Variants in PCDHGA10 observed in about 807,000 individuals in gnomAD.
PCDHGA10 encodes the protein protocadherin gamma-A10.
In PCDHGA10, 42 loss-of-function variants were observed where a neutral mutation model predicts 59.5. The observed-to-expected ratio is 0.71, with a 90% CI of 0.55 to 0.91. PCDHGA10 has a LOEUF of 0.91. Among genes scored for constraint, PCDHGA10 ranks in the 40% least tolerant of loss-of-function variants. PCDHGA10 has a pLI of 0.00. For missense variants in PCDHGA10, 1,111 were observed against 1,198.2 expected (o/e 0.93, Z 1.07); for synonymous variants, 511 against 517.2 (o/e 0.99, Z 0.16).
At chr5:141,445,294 T>G (rs1012635904) in intron 1 of PCDHGA10, among the ~76,000 whole-genome samples, 2 of 152,238 alleles carry the variant, frequency 1.3e-5, no homozygotes. Flanking sequence ...CAGGCTTCCA[T>G]TCTCTTCAGT....
In PCDHGA10 at chr5:141,489,327, G is replaced by A; in HGVS notation, c.2437-5480G>A. The A allele has an allele frequency of 6.2e-7, 1 of 1,603,940 alleles. No individual in the cohort carries two copies. Among genetic ancestry groups the A allele is most frequent in the South Asian group, 1.1e-5 (1 of 89,400 alleles). ...TGTGCTGCTGGGGCTGGGTGTCTGG[G>A]CAGCTTCGTTACTCAGTGGTGGAGG... is the stretch of plus-strand genomic sequence containing the variant. On this transcript the variant is annotated intron_variant, in intron 1 of 3. Transcript: ENST00000398610. This position sits in a 1 kb window ranked among gnomAD's most constrained non-coding sequence, Gnocchi z 4.5.
Position 141,486,416 on chromosome 5 carries a change from C to G in PCDHGA10, c.2437-8391C>G. The G allele has an allele frequency of 4.3e-6, 7 of 1,614,152 alleles. No homozygotes were observed. The highest frequency in any genetic ancestry group is 5.9e-6 in the Non-Finnish European group (7 of 1,180,016). On this transcript the variant is annotated intron_variant, in intron 1 of 3. Coordinates refer to ENST00000398610, the MANE Select transcript of PCDHGA10 (RefSeq NM_018913.3). The surrounding 1 kb of genome is among the most constrained non-coding windows in gnomAD (Gnocchi z 5.0). Reference sequence around the variant, plus strand: ...CCTGGTGACTGCTGGACCCTTGGATCGAGAGGCCAAATCTAGCTATGACAT... The same window carrying G: ...CCTGGTGACTGCTGGACCCTTGGATGGAGAGGCCAAATCTAGCTATGACAT...
intron 1 of PCDHGA10, chr5:141,478,776 A>G (rs961079570): frequency 1.3e-6 from 2 of 1,488,690 alleles, no homozygotes; most frequent in East Asian, 2.5e-5. Flanking sequence ...TCATCTGTGG[A>G]CCTAATTCAC....
Position 141,489,089 on chromosome 5 carries a change from A to T in PCDHGA10, c.2437-5718A>T, listed in dbSNP as rs1214993065. The T allele has an allele frequency of 7.4e-5, 21 of 284,398 alleles. No homozygotes were observed. Among genetic ancestry groups the T allele is most frequent in the East Asian group, 1.1e-4 (2 of 17,560 alleles). The allele number at this position is 284,398 out of a possible 1,614,324, so 17.6% of individuals were successfully genotyped here. On this transcript the variant is annotated intron_variant, in intron 1 of 3. Coordinates refer to ENST00000398610, the MANE Select transcript of PCDHGA10 (RefSeq NM_018913.3). This position sits in a 1 kb window ranked among gnomAD's most constrained non-coding sequence, Gnocchi z 4.5. ...CCCTGCCCACCCCCGCCACTCGGTGACTAAGAACTGCTGCAAGCAGGCAAA... is the reference window on the plus strand; with the variant it reads ...CCCTGCCCACCCCCGCCACTCGGTGTCTAAGAACTGCTGCAAGCAGGCAAA...
rs2099404338 is a variant in PCDHGA10, at chr5:141,477,060, C to T, written c.2437-17747C>T. On this transcript the variant is annotated intron_variant, in intron 1 of 3. Coordinates refer to ENST00000398610, the MANE Select transcript of PCDHGA10 (RefSeq NM_018913.3). This position sits in a 1 kb window ranked among gnomAD's most constrained non-coding sequence, Gnocchi z 4.9. Reference sequence around the variant, plus strand: ...AAGGGTCGGCTGGACTTCGAGGACACCAAACTCCATGAGATTTACATCCAG... The same window carrying T: ...AAGGGTCGGCTGGACTTCGAGGACATCAAACTCCATGAGATTTACATCCAG... 3.7e-6 allele frequency: 6 copies of T among 1,614,256 alleles called. No individual in the cohort carries two copies. The highest frequency in any genetic ancestry group is 5.1e-6 in the Non-Finnish European group (6 of 1,180,046).
intron 1 of PCDHGA10, among the ~76,000 whole-genome samples, chr5:141,468,758 C>T (rs929005462): frequency 6.6e-5 from 10 of 151,684 alleles, no homozygotes; most frequent in African/African-American, 2.2e-4. Context: ...CCCAGCTACT[C>T]GGGAGGCTGA....
chr5:141,483,648 TTGTG>T (rs111458813), intron 1 of PCDHGA10, among the ~76,000 whole-genome samples: 10 of 149,592 alleles, frequency 6.7e-5, no homozygotes, highest in Non-Finnish European at 1.0e-4. Flanking sequence ...GGGTGTGTGT[TTGTG>T]TGTGTGTGTG....
intron 1 of PCDHGA10, chr5:141,441,364 C>T (rs533396852): frequency 6.6e-6 from 1 of 152,646 alleles, no homozygotes; most frequent in South Asian, 2.1e-4. Context: ...CAAATGGGGC[C>T]GTGGACCAGG....
intron 1 of PCDHGA10, among the ~76,000 whole-genome samples, chr5:141,455,860 A>T (rs1032468147): frequency 1.4e-5 from 2 of 139,848 alleles, no homozygotes; most frequent in South Asian, 2.3e-4. Context: ...AATTTCTTTT[A>T]TTATTTATTT....
chr5:141,421,880 G>A (rs761272704), intron 1 of PCDHGA10: 3 of 1,613,600 alleles, frequency 1.9e-6, no homozygotes, highest in East Asian at 4.5e-5. Flanking sequence ...GCTTTAGATG[G>A]AGGCGATCCC....
intron 1 of PCDHGA10, chr5:141,422,211 C>G: frequency 6.4e-7 from 1 of 1,563,286 alleles, no homozygotes; most frequent in Non-Finnish European, 8.6e-7. Context: ...GTGGAGGTCT[C>G]TTTACCACCA....
chr5:141,505,653 G>A (rs1049630228), intron 3 of PCDHGA10, among the ~76,000 whole-genome samples, 172 bp downstream of exon 3: 1 of 152,184 alleles, frequency 6.6e-6, no homozygotes, highest in Non-Finnish European at 1.5e-5. Context: ...TTGTGGCTAA[G>A]GAACAGCAGA....
Position 141,431,354 on chromosome 5 carries a change from G to A in PCDHGA10, c.2436+15743G>A, listed in dbSNP as rs777198567. On this transcript the variant is annotated intron_variant, in intron 1 of 3. Coordinates refer to ENST00000398610, the MANE Select transcript of PCDHGA10 (RefSeq NM_018913.3). This position sits in a 1 kb window ranked among gnomAD's most constrained non-coding sequence, Gnocchi z 4.8. ...GTACCCCGAATTGGTGCTGAAACGC[G>A]CCCTGGACCGCGAAGAAAAGGCTGC... is the stretch of plus-strand genomic sequence containing the variant. 1 of 1,614,036 alleles carries A rather than the reference G, an allele frequency of 6.2e-7. No homozygotes were observed. Among genetic ancestry groups the A allele is most frequent in the South Asian group, 1.1e-5 (1 of 91,086 alleles).
At position 141,478,334 on chromosome 5, in the gene PCDHGA10, C is replaced by T. The variant is rs1303200872; in HGVS notation, c.2437-16473C>T. 2.5e-6 allele frequency: 4 copies of T among 1,613,944 alleles called. No individual in the cohort carries two copies. The highest frequency in any genetic ancestry group is 3.4e-6 in the Non-Finnish European group (4 of 1,180,016). ...GAGCTCACTGTACCGAACACCAGGG[C>T]CCTCCTTGCACGCGGACGCCGTGCG... On this transcript the variant is annotated intron_variant, in intron 1 of 3. Coordinates refer to ENST00000398610, the MANE Select transcript of PCDHGA10 (RefSeq NM_018913.3).
intron 2 of PCDHGA10, among the ~76,000 whole-genome samples, chr5:141,503,797 G>A (rs2099831309): frequency 6.6e-6 from 1 of 152,006 alleles, no homozygotes; most frequent in South Asian, 2.1e-4. Context: ...ATCTACTTAG[G>A]GACGGGGAAT....
intron 1 of PCDHGA10, among the ~76,000 whole-genome samples, chr5:141,488,350 C>G (rs1191478919): frequency 6.6e-6 from 1 of 152,176 alleles, no homozygotes; most frequent in Non-Finnish European, 1.5e-5. Context: ...GAAACAGCCA[C>G]CCTGTGCATC....
intron 1 of PCDHGA10, among the ~76,000 whole-genome samples, chr5:141,425,045 C>T (rs1374682125): frequency 6.6e-6 from 1 of 152,136 alleles, no homozygotes; most frequent in East Asian, 1.9e-4. Context: ...TGTAAACTGA[C>T]TATCTAGGGC....
At chr5:141,442,759 A>G (rs2098341868) in intron 1 of PCDHGA10, among the ~76,000 whole-genome samples, 1 of 152,152 alleles carries the variant, frequency 6.6e-6, no homozygotes, top group Non-Finnish European at 1.5e-5. Flanking sequence ...GATTATATAT[A>G]TTTGTATGTG....
At position 141,490,221 on chromosome 5, in the gene PCDHGA10, G is replaced by A; in HGVS notation, c.2437-4586G>A. 6.2e-7 allele frequency: 1 copy of A among 1,614,236 alleles called. No individual in the cohort carries two copies. The highest frequency in any genetic ancestry group is 1.1e-5 in the South Asian group (1 of 91,084). ...ATGCAAGAGCCCGTGACCAGGGACAGCCTGCCATGGAGGGCCACTGTGTGA... is the reference window on the plus strand; with the variant it reads ...ATGCAAGAGCCCGTGACCAGGGACAACCTGCCATGGAGGGCCACTGTGTGA... On this transcript the variant is annotated intron_variant, in intron 1 of 3. Transcript: ENST00000398610. The surrounding 1 kb of genome is among the most constrained non-coding windows in gnomAD (Gnocchi z 5.4).
Sources: allele counts gnomAD v4.1 joint callset (sites outside exome capture counted in the v4.1 genomes callset), GRCh38; gene constraint gnomAD v4.1.1; non-coding constraint Gnocchi (gnomAD v3.1); transcripts MANE v1.5; gene names NCBI Gene and HGNC (gene_info 2026-07-23, HGNC 2026-07-21).